The following SENP7 variants were observed in gnomAD, a reference collection of about 807,000 sequenced individuals.
SENP7 encodes sentrin-specific protease 7.
A neutral mutation model predicts 141.2 loss-of-function variants in SENP7; 64 were observed. That is an observed-to-expected ratio of 0.45 (90% confidence interval 0.37 to 0.56). The LOEUF (loss-of-function observed/expected upper bound fraction) is 0.56, where lower values mean the gene tolerates loss of function less well. Ranked by LOEUF, SENP7 falls within the 20% of genes least tolerant of loss-of-function variation. The pLI, the probability that SENP7 is intolerant of heterozygous loss-of-function variation, is 0.00. For synonymous variants in SENP7, 382 were observed against 426.4 expected, an observed-to-expected ratio of 0.90 and a Z score of 1.28; for missense variants, 1,025 against 1,212.2, an observed-to-expected ratio of 0.85 and a Z score of 2.29.
At chr3:101,483,463 T>C (rs548830157) in intron 3 of SENP7, among the ~76,000 whole-genome samples, 2 of 152,186 alleles carry the variant, frequency 1.3e-5, no homozygotes, top group South Asian at 2.1e-4. Flanking sequence ...TGGGGACTAC[T>C]AGTGGGGAAT....
chr3:101,366,438 G>T lies in SENP7; in HGVS notation c.1310C>A (p.Ala437Asp), dbSNP rs377013591. Residue 437 changes from alanine to aspartate, a missense_variant, in exon 9 of 24, where the codon GCT (alanine) becomes GAT (aspartate). Transcript: ENST00000394095. ...HNEGNQSLIS[A>D]EPIVVSSDEE... ...ATCCTCCTGTCACTTACTTGGTTCA[G>T]CTGAGATCAGTGATTGGTTCCCTTC... The T allele has an allele frequency of 4.4e-6, 7 of 1,593,748 alleles. No homozygotes were observed. In the African/African-American group the frequency reaches 5.4e-5, roughly 12 times the overall value.
At chr3:101,395,461 T>G (rs1254926272) in intron 6 of SENP7, among the ~76,000 whole-genome samples, 1 of 152,198 alleles carries the variant, frequency 6.6e-6, no homozygotes, top group Non-Finnish European at 1.5e-5. Flanking sequence ...TATATGGATT[T>G]ATTTATAGGT....
At chr3:101,473,353 A>AC (rs1362190988) in intron 3 of SENP7, among the ~76,000 whole-genome samples, 2 of 152,104 alleles carry the variant, frequency 1.3e-5, no homozygotes, top group African/African-American at 4.8e-5. Context: ...TCCCACCAAC[A>AC]CTTTATAACC....
At chr3:101,367,627 TG>T (rs2060072026) in intron 8 of SENP7, among the ~76,000 whole-genome samples, 1 of 152,154 alleles carries the variant, frequency 6.6e-6, no homozygotes, top group Non-Finnish European at 1.5e-5. Flanking sequence ...TCATAGTATT[TG>T]AAATGTGTTC....
At chr3:101,376,135 T>C (rs1035995074) in intron 6 of SENP7, among the ~76,000 whole-genome samples, 1 of 152,182 alleles carries the variant, frequency 6.6e-6, no homozygotes, top group Admixed American at 6.5e-5. Flanking sequence ...TATGATGACA[T>C]ATTTAGAATA....
chr3:101,508,572 C>CT (rs1321196407), intron 1 of SENP7, among the ~76,000 whole-genome samples: 2 of 151,504 alleles, frequency 1.3e-5, no homozygotes, highest in African/African-American at 4.9e-5. Context: ...GCACTCCAGC[C>CT]TGGGGGGCAG....
At chr3:101,479,916 A>C (rs1409038282) in intron 3 of SENP7, among the ~76,000 whole-genome samples, 1 of 138,406 alleles carries the variant, frequency 7.2e-6, no homozygotes, top group Non-Finnish European at 1.6e-5. Context: ...AAAAAAAAAA[A>C]AAAAAACACA....
At chr3:101,396,532 A>T (rs969713777) in intron 6 of SENP7, among the ~76,000 whole-genome samples, 10 of 152,000 alleles carry the variant, frequency 6.6e-5, no homozygotes, top group Non-Finnish European at 1.5e-4. Context: ...TAATATTTTC[A>T]TTTATTTTAT....
chr3:101,338,850 G>A (rs1202035073), intron 16 of SENP7, among the ~76,000 whole-genome samples: 1 of 152,078 alleles, frequency 6.6e-6, no homozygotes, highest in Non-Finnish European at 1.5e-5. Context: ...TAAGTTATTG[G>A]CCTCATCTAA....
intron 9 of SENP7, among the ~76,000 whole-genome samples, chr3:101,365,561 G>A (rs1006173974): frequency 5.4e-5 from 8 of 149,098 alleles, no homozygotes; most frequent in African/African-American, 2.0e-4. Context: ...CTTGAGCCCA[G>A]GAGGGGGAGG....
rs763993991 is a variant in SENP7 at position 101,366,478 on chromosome 3, G to A, written c.1270C>T (p.Leu424=). Residue 424 remains leucine (L), a synonymous_variant, in exon 9 of 24, where the codon CTA becomes TTA. Coordinates refer to ENST00000394095, the MANE Select transcript of SENP7 (RefSeq NM_020654.5). The part of the protein sequence containing the change: ...NELNTIEKPI[L]RGHNEGNQSL... ...TGGTTCCCTTCATTATGTCCTCTTAGAATAGGCTTTTCTATGGTATTCAAC... is the reference window on the plus strand; with the variant it reads ...TGGTTCCCTTCATTATGTCCTCTTAAAATAGGCTTTTCTATGGTATTCAAC... 1 of 1,613,258 alleles carries A rather than the reference G, an allele frequency of 6.2e-7. No homozygotes were observed. The highest frequency in any genetic ancestry group is 8.5e-7 in the Non-Finnish European group (1 of 1,179,544).
At chr3:101,439,156 G>T (rs2062525030) in intron 4 of SENP7, among the ~76,000 whole-genome samples, 1 of 107,790 alleles carries the variant, frequency 9.3e-6, no homozygotes, top group South Asian at 3.3e-4. Flanking sequence ...CCCATCGTCT[G>T]AGATGTGGGG....
chr3:101,495,387 A>G (rs1356671528), intron 2 of SENP7, among the ~76,000 whole-genome samples: 1 of 152,234 alleles, frequency 6.6e-6, no homozygotes, highest in Non-Finnish European at 1.5e-5. Context: ...TGACCTAGCA[A>G]CACCATTACT....
intron 20 of SENP7, 99 bp from the exon 21 acceptor site, chr3:101,328,788 T>C (rs2058970726): frequency 3.5e-6 from 3 of 863,904 alleles, no homozygotes; most frequent in Non-Finnish European, 5.5e-6. Context: ...GAAGTTAAAA[T>C]TTCAAGTAAT....
chr3:101,488,349 G>T (rs114503168), intron 3 of SENP7, among the ~76,000 whole-genome samples: 334 of 152,234 alleles, frequency 2.2e-3, no homozygotes, highest in Non-Finnish European at 3.9e-3. Flanking sequence ...ATCAGTTCTA[G>T]GAACTCTTCA....
chr3:101,487,720 C>T (rs1017700480), intron 3 of SENP7, among the ~76,000 whole-genome samples: 3 of 152,152 alleles, frequency 2.0e-5, no homozygotes, highest in Non-Finnish European at 4.4e-5. Context: ...AATAGGGAAT[C>T]CTTTCCCCAT....
chr3:101,344,697 G>C (rs947530495), intron 13 of SENP7, among the ~76,000 whole-genome samples: 5 of 152,182 alleles, frequency 3.3e-5, no homozygotes, highest in African/African-American at 1.2e-4. Flanking sequence ...ATATGGGAAA[G>C]TATTCAACCG....
intron 4 of SENP7, among the ~76,000 whole-genome samples, chr3:101,453,049 G>A (rs2063207186): frequency 6.6e-6 from 1 of 152,044 alleles, no homozygotes; most frequent in Admixed American, 6.6e-5. Context: ...TCAAAAAGTG[G>A]GTGAAGGATA....
intron 4 of SENP7, among the ~76,000 whole-genome samples, chr3:101,421,451 T>C (rs1409678685): frequency 6.6e-6 from 1 of 152,202 alleles, no homozygotes; most frequent in Non-Finnish European, 1.5e-5. Flanking sequence ...AAAAACTATA[T>C]GACTTAGGTA....
Sources: allele counts gnomAD v4.1 joint callset (sites outside exome capture counted in the v4.1 genomes callset), GRCh38; gene constraint gnomAD v4.1.1; transcripts MANE v1.5; gene names NCBI Gene and HGNC (gene_info 2026-07-23, HGNC 2026-07-21).